The following VRK2 variants were observed in gnomAD, a reference collection of about 807,000 sequenced individuals.
VRK2 encodes the protein VRK serine/threonine kinase 2.
VRK2 carries 60 observed loss-of-function variants against 57.6 expected under a neutral mutation model. The ratio of observed to expected loss-of-function variants is 1.04; its 90% CI spans 0.85 to 1.29. The LOEUF (loss-of-function observed/expected upper bound fraction) is 1.29, where lower values mean the gene tolerates loss of function less well. Among genes scored for constraint, VRK2 ranks in the 50% most tolerant of loss-of-function variants. The pLI is 0.00. For synonymous variants in VRK2, 231 were observed against 199.2 expected, an observed-to-expected ratio of 1.16 and a Z score of -1.35; for missense variants, 705 against 588.1, an observed-to-expected ratio of 1.20 and a Z score of -2.06.
Position 57,979,505 on chromosome 2 carries a change from T to C in VRK2, c.-438-46160T>C, listed in dbSNP as rs1381319560. Among the ~76,000 whole-genome samples, 6 of 151,158 alleles carry C rather than the reference T, an allele frequency of 4.0e-5. No homozygotes were observed. The East Asian group carries it at 1.2e-3, about 29-fold the overall frequency. ...GGGATATTGGCCTGAAATTTTCCTT[T>C]TTCATGTGTCTCTGCCAGGTTTGGT... On this transcript the variant is annotated intron_variant, in intron 1 of 15. Transcript: ENST00000417641.
At chr2:58,081,126 G>T (rs10176942) in intron 2 of VRK2, among the ~76,000 whole-genome samples, 11,060 of 151,724 alleles carry the variant, frequency 0.073, 1,299 homozygotes, top group African/African-American at 0.25. Context: ...GCTCTGTTTT[G>T]GTCTGGTTAA....
intron 2 of VRK2, 126 bp downstream of exon 2, chr2:58,049,093 C>T: frequency 8.3e-7 from 1 of 1,205,388 alleles, no homozygotes; most frequent in South Asian, 1.7e-5. Context: ...CATGATTGTA[C>T]TCGATTAAGT....
intron 2 of VRK2, among the ~76,000 whole-genome samples, chr2:58,062,270 G>A (rs1677462750): frequency 6.6e-6 from 1 of 151,994 alleles, no homozygotes; most frequent in African/African-American, 2.4e-5. Flanking sequence ...TGGCCTGACT[G>A]CACCACTCAC....
At chr2:58,047,083 T>C in intron 1 of VRK2, 1 of 670,238 alleles carries the variant, frequency 1.5e-6, no homozygotes, top group Non-Finnish European at 1.8e-6. Flanking sequence ...AGGCGTCCCC[T>C]TCTACTCACG....
chr2:58,009,365 G>A (rs556794794), intron 1 of VRK2, among the ~76,000 whole-genome samples: 220 of 151,862 alleles, frequency 1.4e-3, no homozygotes, highest in African/African-American at 4.9e-3. Flanking sequence ...GTACCATGGA[G>A]CCTCTTCTAC....
intron 7 of VRK2, among the ~76,000 whole-genome samples, chr2:58,100,943 C>CGGAA (rs1265944369): frequency 6.6e-6 from 1 of 151,172 alleles, no homozygotes; most frequent in Non-Finnish European, 1.5e-5. Context: ...AATAGTGTTC[C>CGGAA]TATTGTCCAA....
intron 10 of VRK2, among the ~76,000 whole-genome samples, chr2:58,139,237 GT>G (rs561002454): frequency 2.6e-5 from 4 of 151,986 alleles, no homozygotes; most frequent in African/African-American, 7.2e-5. Flanking sequence ...AAAATTTGCA[GT>G]TTTTTTCCTT....
chr2:58,042,153 T>C (rs1674485141), upstream of VRK2, among the ~76,000 whole-genome samples: 2 of 152,302 alleles, frequency 1.3e-5, no homozygotes, highest in African/African-American at 2.4e-5. Context: ...ACATGACATA[T>C]TGATATGACA....
At chr2:58,004,186 A>G (rs1673174233) in intron 1 of VRK2, among the ~76,000 whole-genome samples, 1 of 151,888 alleles carries the variant, frequency 6.6e-6, no homozygotes, top group Admixed American at 6.6e-5. Context: ...ACACGCATAC[A>G]GCACACACAC....
intron 1 of VRK2, among the ~76,000 whole-genome samples, chr2:57,958,805 A>G (rs1012293507): frequency 1.3e-5 from 2 of 152,296 alleles, no homozygotes; most frequent in East Asian, 1.9e-4. Context: ...GAAAATGGTC[A>G]AGGGAATGTG....
At chr2:58,155,094 AT>A (rs1683602234) in intron 12 of VRK2, among the ~76,000 whole-genome samples, 1 of 151,948 alleles carries the variant, frequency 6.6e-6, no homozygotes, top group Non-Finnish European at 1.5e-5. Flanking sequence ...AAGAACATGT[AT>A]TTTCCTGTTT....
chr2:58,092,118 C>T (rs1159530582), intron 7 of VRK2, among the ~76,000 whole-genome samples: 1 of 152,208 alleles, frequency 6.6e-6, no homozygotes, highest in African/African-American at 2.4e-5. Flanking sequence ...GTAACCACTA[C>T]TGCCACCAAG....
intron 2 of VRK2, among the ~76,000 whole-genome samples, chr2:58,079,131 T>C (rs751870534): frequency 2.0e-5 from 3 of 152,178 alleles, no homozygotes; most frequent in Non-Finnish European, 4.4e-5. Context: ...TTGGGTTTGC[T>C]TTAAATTCAG....
At chr2:57,991,185 T>C (rs1413985257) in intron 1 of VRK2, among the ~76,000 whole-genome samples, 1 of 152,192 alleles carries the variant, frequency 6.6e-6, no homozygotes, top group East Asian at 1.9e-4. Context: ...TACCAAATTT[T>C]GCTAGTAATT....
chr2:58,011,241 T>A (rs542448572), intron 1 of VRK2, among the ~76,000 whole-genome samples: 1 of 152,346 alleles, frequency 6.6e-6, no homozygotes, highest in South Asian at 2.1e-4. Flanking sequence ...AGGGCAAAAC[T>A]TCAGCCATAT....
intron 7 of VRK2, among the ~76,000 whole-genome samples, chr2:58,120,623 T>A (rs906996246): frequency 6.6e-6 from 1 of 152,196 alleles, no homozygotes; most frequent in African/African-American, 2.4e-5. Flanking sequence ...TGACACAACT[T>A]GACAGTCTTC....
intron 1 of VRK2, among the ~76,000 whole-genome samples, chr2:57,952,461 T>A (rs1572899334): frequency 6.6e-6 from 1 of 152,190 alleles, no homozygotes; most frequent in South Asian, 2.1e-4. Flanking sequence ...CGCTTCATTG[T>A]TATTTCTTCC....
chr2:57,984,304 C>G (rs1672525607), intron 1 of VRK2, among the ~76,000 whole-genome samples: 1 of 152,000 alleles, frequency 6.6e-6, no homozygotes, highest in African/African-American at 2.4e-5. Flanking sequence ...ATAAAAAACA[C>G]TGTGCAGTAC....
At chr2:58,063,347 C>T (rs893954034) in intron 2 of VRK2, among the ~76,000 whole-genome samples, 3 of 150,480 alleles carry the variant, frequency 2.0e-5, no homozygotes, top group African/African-American at 4.9e-5. Context: ...AAACATACAG[C>T]GAGCTAAAAG....
Sources: allele counts gnomAD v4.1 joint callset (sites outside exome capture counted in the v4.1 genomes callset), GRCh38; gene constraint gnomAD v4.1.1; transcripts MANE v1.5; gene names NCBI Gene and HGNC (gene_info 2026-07-23, HGNC 2026-07-21).